Variants in KCNH7 observed in about 807,000 individuals in gnomAD.
KCNH7 encodes potassium voltage-gated channel subfamily H member 7, also known as voltage-gated inwardly rectifying potassium channel KCNH7.
KCNH7 carries 49 observed loss-of-function variants against 120.8 expected under a neutral mutation model. The observed-to-expected ratio is 0.41, with a 90% CI of 0.32 to 0.51. The LOEUF (loss-of-function observed/expected upper bound fraction) is 0.51, where lower values mean the gene tolerates loss of function less well. Among genes scored for constraint, KCNH7 ranks in the 20% least tolerant of loss-of-function variants. The pLI is 0.38. For synonymous variants in KCNH7, 547 were observed against 516.1 expected (o/e 1.06, Z -0.81); for missense variants, 1,097 against 1,446.6 (o/e 0.76, Z 3.92).
chr2:162,745,594 T>G (rs1399323118), intron 2 of KCNH7, among the ~76,000 whole-genome samples: 1 of 152,196 alleles, frequency 6.6e-6, no homozygotes, highest in African/African-American at 2.4e-5. Context: ...AAATAAATTT[T>G]CTTGGAAAAA....
At chr2:162,430,758 C>T (rs1376589567) in intron 8 of KCNH7, among the ~76,000 whole-genome samples, 1 of 151,592 alleles carries the variant, frequency 6.6e-6, no homozygotes, top group African/African-American at 2.4e-5. Flanking sequence ...TTTTTTTTTA[C>T]ATGCTACAAA....
intron 2 of KCNH7, among the ~76,000 whole-genome samples, chr2:162,836,002 A>T (rs1685651058): frequency 6.6e-6 from 1 of 152,200 alleles, no homozygotes; most frequent in South Asian, 2.1e-4. Flanking sequence ...GGTTAACTGG[A>T]TCAAGGTAAA....
intron 6 of KCNH7, among the ~76,000 whole-genome samples, chr2:162,479,034 C>T (rs991664191): frequency 2.6e-5 from 4 of 151,486 alleles, no homozygotes; most frequent in African/African-American, 9.7e-5. Context: ...ACAGAAATCA[C>T]GAGGGAGGGG....
At position 162,650,304 on chromosome 2, in the gene KCNH7, TG is replaced by T. The variant is rs577071316; in HGVS notation, c.308-113225del. Among the ~76,000 whole-genome samples, 161 of 152,334 alleles carry T rather than the reference TG, an allele frequency of 1.1e-3. 1 individual carries two copies. The highest frequency in any genetic ancestry group is 3.6e-3 in the African/African-American group (150 of 41,578). On this transcript the variant is annotated intron_variant, in intron 2 of 15. Coordinates refer to ENST00000332142, the MANE Select transcript of KCNH7 (RefSeq NM_033272.4). Reference sequence around the variant, plus strand: ...AATGCTTCATAATTGTTTCTATGATTGTATAGTTAAAAATGATTTTTTTGTG... The same window carrying T: ...AATGCTTCATAATTGTTTCTATGATTTATAGTTAAAAATGATTTTTTTGTG...
At chr2:162,774,012 T>G (rs1683151441) in intron 2 of KCNH7, among the ~76,000 whole-genome samples, 1 of 152,116 alleles carries the variant, frequency 6.6e-6, no homozygotes, top group Non-Finnish European at 1.5e-5. Context: ...AGAAAATAAT[T>G]TGAGGTGCTA....
intron 2 of KCNH7, among the ~76,000 whole-genome samples, chr2:162,701,056 A>G (rs16847156): frequency 0.078 from 11,875 of 152,210 alleles, 897 homozygotes; most frequent in African/African-American, 0.19. Context: ...AGGAAGGACA[A>G]TCACATTGCA....
intron 2 of KCNH7, among the ~76,000 whole-genome samples, chr2:162,610,326 G>T (rs1344962260): frequency 1.0e-4 from 10 of 97,400 alleles, no homozygotes; most frequent in Non-Finnish European, 5.9e-5. Context: ...GCTAAATGAG[G>T]ATTTTTTTTT....
At chr2:162,644,202 T>A (rs76759196) in intron 2 of KCNH7, among the ~76,000 whole-genome samples, 1 of 152,138 alleles carries the variant, frequency 6.6e-6, no homozygotes, top group Non-Finnish European at 1.5e-5. Flanking sequence ...AATGACCCAC[T>A]CAGTATCAAC....
Position 162,379,981 on chromosome 2 carries a change from A to T in KCNH7, c.3003T>A (p.His1001Gln), listed in dbSNP as rs1391456335. The T allele has an allele frequency of 6.2e-7, 1 of 1,613,996 alleles. No individual in the cohort carries two copies. The highest frequency in any genetic ancestry group is 8.5e-7 in the Non-Finnish European group (1 of 1,179,936). ...DMRSWERENA[H>Q]PQPEDSSPSA... ...ATGGACTGGAGTCTTCAGGCTGGGG[A>T]TGTGCATTTTCTCGTTCCCAGCTTC... The change falls in exon 14 of 16, where the codon CAT (histidine) becomes CAA (glutamine). Residue 1001 changes from histidine to glutamine, a missense_variant. Physicochemically the swap from His to Gln is conservative, Grantham distance 24. This residue lies in a region of KCNH7 where 406 missense variants were observed against 410.5 expected (regional missense o/e 0.99). Transcript: ENST00000332142.
rs190240549 is a variant in KCNH7, at chr2:162,655,579, G to A, written c.308-118499C>T. ...AGGTGGGCGGATCACGAGGTCAAGA[G>A]ATCGAGACCATCCTGGCCAACAAGG... On this transcript the variant is annotated intron_variant, in intron 2 of 15. Transcript: ENST00000332142. Among the ~76,000 whole-genome samples, 546 of 152,096 alleles carry A rather than the reference G, an allele frequency of 3.6e-3. 2 individuals are homozygous for A. The highest frequency in any genetic ancestry group is 5.7e-3 in the Non-Finnish European group (391 of 68,000).
rs1427309193 is a variant in KCNH7, at chr2:162,601,787, C to T, written c.308-64707G>A. On this transcript the variant is annotated intron_variant, in intron 2 of 15. Coordinates refer to ENST00000332142, the MANE Select transcript of KCNH7 (RefSeq NM_033272.4). ...AAACATGGACTGCACTTAATTTTTC[C>T]TAATAACCTTTTCATGACATGTACC... Among the ~76,000 whole-genome samples, 15 of 151,924 alleles carry T rather than the reference C, an allele frequency of 9.9e-5. 1 individual carries two copies. Among genetic ancestry groups the T allele is most frequent in the Admixed American group, 9.9e-4 (15 of 15,208 alleles).
intron 2 of KCNH7, among the ~76,000 whole-genome samples, chr2:162,558,953 G>A (rs1391309118): frequency 1.3e-5 from 2 of 150,590 alleles, no homozygotes; most frequent in Non-Finnish European, 3.0e-5. Flanking sequence ...TACTCGGGAG[G>A]CTGAGGCAGG....
chr2:162,836,732 T>C lies in KCNH7; in HGVS notation c.112A>G (p.Asn38Asp). 6.2e-7 allele frequency: 1 copy of C among 1,614,048 alleles called. No homozygotes were observed. Among genetic ancestry groups the C allele is most frequent in the East Asian group, 2.2e-5 (1 of 44,852 alleles). The change falls in exon 2 of 16, where the codon AAC becomes GAC. Residue 38 changes from asparagine (N) to aspartate (D), a missense_variant. By Grantham distance (23) the Asn-to-Asp change is conservative. Around this residue, in one of 8 missense-constraint regions of KCNH7, gnomAD observed 57 missense variants for 116.2 expected, o/e 0.49. Transcript: ENST00000332142. ...KFIIANARVQ[N>D]CAIIYCNDGF... ...TCGTTGCAATAAATGATGGCACAGT[T>C]CTGCACTCTGGCATTTGCAATGATA...
intron 8 of KCNH7, among the ~76,000 whole-genome samples, chr2:162,431,832 G>T (rs1688080194): frequency 3.3e-5 from 5 of 151,794 alleles, no homozygotes. Flanking sequence ...AAAGAAAAAA[G>T]GAAGGAAGGA....
At chr2:162,621,087 A>G (rs77455343) in intron 2 of KCNH7, among the ~76,000 whole-genome samples, 429 of 151,896 alleles carry the variant, frequency 2.8e-3, no homozygotes, top group East Asian at 0.016. Flanking sequence ...ACACCTTCTT[A>G]TGGTGTGTGT....
intron 2 of KCNH7, among the ~76,000 whole-genome samples, chr2:162,717,935 A>C (rs1392728903): frequency 2.6e-5 from 4 of 152,104 alleles, no homozygotes; most frequent in African/African-American, 9.7e-5. Context: ...TTAAAATCTC[A>C]TGCCACATTT....
At chr2:162,400,097 T>C (rs1241967366) in intron 10 of KCNH7, 92 bp downstream of exon 10, 1 of 1,359,700 alleles carries the variant, frequency 7.4e-7, no homozygotes, top group Non-Finnish European at 1.0e-6. Context: ...TTCTTATGAA[T>C]ACATACATCA....
chr2:162,484,630 T>A (rs902924890), intron 6 of KCNH7, among the ~76,000 whole-genome samples: 6 of 152,162 alleles, frequency 3.9e-5, no homozygotes, highest in Non-Finnish European at 8.8e-5. Context: ...TTTGTCCCCC[T>A]AAAATTCATT....
chr2:162,544,639 TTA>T (rs1692416367), intron 2 of KCNH7, among the ~76,000 whole-genome samples: 1 of 152,156 alleles, frequency 6.6e-6, no homozygotes, highest in Non-Finnish European at 1.5e-5. Flanking sequence ...AAGATATTTT[TTA>T]TGTTTTATAA....
Sources: gnomAD v4.1 joint callset for allele counts (sites outside exome capture counted in the v4.1 genomes callset) on GRCh38, gnomAD v4.1.1 for gene constraint, gnomAD v4.1.1 regional missense constraint, MANE v1.5 for transcripts, NCBI Gene and HGNC (gene_info 2026-07-23, HGNC 2026-07-21) for gene names.